PSME4: variants seen among roughly 807,000 people sequenced by gnomAD.
PSME4 encodes the protein proteasome activator complex subunit 4.
A neutral mutation model predicts 253.9 loss-of-function variants in PSME4; 89 were observed. The ratio of observed to expected loss-of-function variants is 0.35; its 90% CI spans 0.30 to 0.42. PSME4 has a LOEUF of 0.42. Among genes scored for constraint, PSME4 ranks in the 10% least tolerant of loss-of-function variants. The probability of loss-of-function intolerance (pLI) is 1.00; values close to 1 mark genes in which losing one functional copy is unlikely to be tolerated. For synonymous variants in PSME4, 851 were observed against 759.2 expected (o/e 1.12, Z -1.99); for missense variants, 2,014 against 2,195.2 (o/e 0.92, Z 1.65).
chr2:53,865,609 A>G (rs978634131), intron 46 of PSME4, 36 bp from the exon 47 acceptor site: 3 of 152,892 alleles, frequency 2.0e-5, no homozygotes, highest in African/African-American at 7.2e-5. Flanking sequence ...ATTAGGTAAC[A>G]AGACATCCAA....
Position 53,954,564 on chromosome 2 carries a change from T to C in PSME4, c.243-5281A>G, listed in dbSNP as rs372736853. ...TCTTGAGTAAATAATTCAGGTCAGG[T>C]GTAGTGAGTCACACTTGTAGTCCCA... On this transcript the variant is annotated intron_variant, in intron 1 of 46. Coordinates refer to ENST00000404125, the MANE Select transcript of PSME4 (RefSeq NM_014614.3). Among the ~76,000 whole-genome samples, 28 of 152,076 alleles carry C rather than the reference T, an allele frequency of 1.8e-4. 1 individual carries two copies. In the East Asian group the frequency reaches 2.7e-3, roughly 15 times the overall value.
chr2:53,903,207 C>T (rs951049800), intron 27 of PSME4, among the ~76,000 whole-genome samples: 2 of 152,150 alleles, frequency 1.3e-5, no homozygotes, highest in African/African-American at 4.8e-5. Flanking sequence ...TCTAACTGCC[C>T]ACTTGATGGT....
At chr2:53,875,529 C>G in intron 42 of PSME4, 98 bp downstream of exon 42, 1 of 1,209,772 alleles carries the variant, frequency 8.3e-7, no homozygotes, top group South Asian at 1.8e-5. Flanking sequence ...AAATTCAAAA[C>G]AAAAACTAGG....
intron 31 of PSME4, 146 bp from the exon 32 acceptor site, chr2:53,897,031 C>A: frequency 3.1e-6 from 2 of 640,110 alleles, no homozygotes; most frequent in South Asian, 1.8e-5. Context: ...CATGTGAGTG[C>A]TAAATCTGAC....
chr2:53,931,757 C>A (rs1200793994), intron 10 of PSME4, 78 bp downstream of exon 10: 6 of 1,470,624 alleles, frequency 4.1e-6, no homozygotes, highest in Non-Finnish European at 5.5e-6. Flanking sequence ...ACAGAAGCCA[C>A]AGAGGAGAAA....
chr2:53,970,780 T>A lies in PSME4; in HGVS notation c.5A>T (p.Glu2Val), dbSNP rs1228854548. 5 of 1,538,520 alleles carry A rather than the reference T, an allele frequency of 3.2e-6. No homozygotes were observed. The highest frequency in any genetic ancestry group is 4.4e-6 in the Non-Finnish European group (5 of 1,143,402). Residue 2 changes from glutamate to valine, a missense_variant, in exon 1 of 47, where the codon GAG (glutamate) becomes GTG (valine). By Grantham distance (121) the Glu-to-Val change is moderately radical. Transcript: ENST00000404125. ...TCCGACTCCCGCCCGCTCGGCCGGCTCCATGAGCCCAGGGACACCCCCCCC... is the reference window on the plus strand; with the variant it reads ...TCCGACTCCCGCCCGCTCGGCCGGCACCATGAGCCCAGGGACACCCCCCCC... Reference protein sequence around the residue: MEPAERAGVGEP... With the variant: MVPAERAGVGEP...
chr2:53,918,154 A>C (rs1384050415), intron 20 of PSME4, among the ~76,000 whole-genome samples: 2 of 152,166 alleles, frequency 1.3e-5, no homozygotes, highest in Non-Finnish European at 2.9e-5. Context: ...GAAAATCAGT[A>C]AATCATTTTC....
chr2:53,867,899 T>C (rs1255268174), intron 44 of PSME4, among the ~76,000 whole-genome samples: 1 of 152,056 alleles, frequency 6.6e-6, no homozygotes, highest in African/African-American at 2.4e-5. Flanking sequence ...AATTGCAGCA[T>C]GTCTGTATTC....
intron 1 of PSME4, among the ~76,000 whole-genome samples, chr2:53,965,149 A>G (rs1670656594): frequency 6.6e-6 from 1 of 152,166 alleles, no homozygotes; most frequent in Non-Finnish European, 1.5e-5. Flanking sequence ...GTTGTAGGAA[A>G]CAGTAATCCA....
chr2:53,866,107 T>A lies in PSME4; in HGVS notation c.5514A>T (p.Ser1838=), dbSNP rs757226521. The change falls in exon 46 of 47, where the codon TCA becomes TCT. Residue 1838 remains serine, a synonymous_variant. Transcript: ENST00000404125. ...QLLVLTDLLV[S]PCYYA is the part of the protein sequence containing the mutation. ...TACCTTTCTATGCATAATAGCATGG[T>A]GACACAAGAAGATCGGTGAGAACAA... The A allele has an allele frequency of 6.2e-7, 1 of 1,612,996 alleles. No individual in the cohort carries two copies. The highest frequency in any genetic ancestry group is 8.5e-7 in the Non-Finnish European group (1 of 1,179,146).
Position 53,941,876 on chromosome 2 carries a change from T to C in PSME4, c.501-1876A>G, listed in dbSNP as rs529511916. 2.6e-5 allele frequency among the ~76,000 whole-genome samples: 4 copies of C among 152,230 alleles called. No homozygotes were observed. The East Asian group carries it at 7.7e-4, about 29-fold the overall frequency. On this transcript the variant is annotated intron_variant, in intron 3 of 46. Transcript: ENST00000404125. ...AAACCTGCTGTTTTCACATACGACC[T>C]TGCTATACCAATATACTTTCGCATA...
rs575497856 is a variant in PSME4, at chr2:53,904,123, C to T, written c.2977G>A (p.Ala993Thr). The change falls in exon 27 of 47, where the codon GCC (alanine) becomes ACC (threonine). Residue 993 changes from alanine (A) to threonine (T), a missense_variant. Around this residue, in one of 4 missense-constraint regions of PSME4, gnomAD observed 989 missense variants for 1,021.1 expected, o/e 0.97. Transcript: ENST00000404125. The part of the protein sequence containing the change: ...RNKAQQTFFA[A>T]LGAYNFCCRD... The stretch of plus-strand genomic sequence containing the variant: ...CAACAGAAGTTATATGCTCCCAAGG[C>T]AGCAAAAAATGTTTGCTGAGCCTTA... 1 of 1,612,762 alleles carries T rather than the reference C, an allele frequency of 6.2e-7. No homozygotes were observed. The highest frequency in any genetic ancestry group is 1.7e-5 in the Admixed American group (1 of 59,876).
intron 4 of PSME4, 105 bp from the exon 5 acceptor site, chr2:53,937,645 T>TCATAGC: frequency 9.8e-7 from 1 of 1,019,946 alleles, no homozygotes; most frequent in East Asian, 2.4e-5. Flanking sequence ...AGAATATATG[T>TCATAGC]CATAGCATGT....
intron 1 of PSME4, among the ~76,000 whole-genome samples, chr2:53,958,842 C>A (rs371975702): frequency 1.6e-3 from 237 of 149,602 alleles, no homozygotes; most frequent in African/African-American, 5.5e-3. Flanking sequence ...AAGTCAGGAG[C>A]CTTCCTGTAT....
At chr2:53,969,353 C>T (rs1035750898) in intron 1 of PSME4, among the ~76,000 whole-genome samples, 13 of 152,196 alleles carry the variant, frequency 8.5e-5, no homozygotes, top group African/African-American at 2.9e-4. Context: ...AAAGGTCCCA[C>T]CCACCCCTCA....
intron 20 of PSME4, among the ~76,000 whole-genome samples, chr2:53,911,489 T>C (rs1480480797): frequency 6.6e-6 from 1 of 152,148 alleles, no homozygotes; most frequent in African/African-American, 2.4e-5. Context: ...ATCAGATTCC[T>C]TTACATGAAC....
chr2:53,872,700 C>T (rs1345004766), intron 43 of PSME4, among the ~76,000 whole-genome samples: 1 of 130,642 alleles, frequency 7.7e-6, no homozygotes, highest in Admixed American at 8.8e-5. Flanking sequence ...CATAATTGTG[C>T]CACTGCACTA....
Position 53,954,258 on chromosome 2 carries a change from G to A in PSME4, c.243-4975C>T, listed in dbSNP as rs186053026. On this transcript the variant is annotated intron_variant, in intron 1 of 46. Transcript: ENST00000404125. ...CAGGAGAATCGCTTGAACCCGGGAG[G>A]CAGAGGTTGCAGTGAGCCAAGATCT... Among the ~76,000 whole-genome samples the A allele has an allele frequency of 2.1e-3, 325 of 152,186 alleles. 1 individual carries two copies. Among genetic ancestry groups the A allele is most frequent in the Admixed American group, 3.7e-3 (57 of 15,296 alleles).
At chr2:53,877,393 A>G (rs925312010) in intron 41 of PSME4, among the ~76,000 whole-genome samples, 1 of 152,002 alleles carries the variant, frequency 6.6e-6, no homozygotes, top group East Asian at 1.9e-4. Flanking sequence ...AGCCAGGGTG[A>G]CAGAGTGATA....
Sources: allele counts gnomAD v4.1 joint callset (sites outside exome capture counted in the v4.1 genomes callset), GRCh38; gene constraint gnomAD v4.1.1; regional missense constraint gnomAD v4.1.1; transcripts MANE v1.5; gene names NCBI Gene and HGNC (gene_info 2026-07-23, HGNC 2026-07-21).